The following TMIGD3 variants were observed in gnomAD, a reference collection of about 807,000 sequenced individuals.
TMIGD3 encodes the protein AD026 protein (AD026).
In TMIGD3, 21 loss-of-function variants were observed where a neutral mutation model predicts 28.1. The ratio of observed to expected loss-of-function variants is 0.75; its 90% confidence interval spans 0.53 to 1.08. The LOEUF (loss-of-function observed/expected upper bound fraction) is 1.08, where lower values mean the gene tolerates loss of function less well. Among genes scored for constraint, TMIGD3 ranks in the 50% least tolerant of loss-of-function variants. The pLI, the probability that TMIGD3 is intolerant of heterozygous loss-of-function variation, is 0.00. For missense variants in TMIGD3, 416 were observed against 435.6 expected (o/e 0.96, Z 0.40); for synonymous variants, 151 against 162.1 (o/e 0.93, Z 0.52).
In TMIGD3 at chr1:111,538,756, G is replaced by A. The variant is rs530862754; in HGVS notation, c.107+25090C>T. Among the ~76,000 whole-genome samples the A allele has an allele frequency of 5.3e-5, 8 of 152,326 alleles. No homozygotes were observed. The South Asian group carries it at 1.7e-3, about 32-fold the overall frequency. On this transcript the variant is annotated intron_variant, in intron 1 of 5. Coordinates refer to the TMIGD3 transcript ENST00000369717. The stretch of plus-strand genomic sequence containing the variant: ...TGGGGAATAAAAAAGGGTTCACGGG[G>A]CCTCTGGCATTGCTCCAGGAAAGGA...
chr1:111,534,460 G>T (rs530461981), intron 1 of TMIGD3, among the ~76,000 whole-genome samples: 8 of 152,326 alleles, frequency 5.3e-5, no homozygotes, highest in South Asian at 4.1e-4. Flanking sequence ...GGACTGGTTT[G>T]CTGCTGTGAT....
intron 1 of TMIGD3, among the ~76,000 whole-genome samples, chr1:111,554,058 C>T (rs1571462162): frequency 6.6e-6 from 1 of 152,220 alleles, no homozygotes; most frequent in African/African-American, 2.4e-5. Context: ...TGCACTAAAG[C>T]CAGAATTCCC....
At chr1:111,506,910 A>AT (rs1404147208), upstream of TMIGD3, among the ~76,000 whole-genome samples, 4 of 107,878 alleles carry the variant, frequency 3.7e-5, no homozygotes, top group South Asian at 3.1e-4. Flanking sequence ...ATATATATAT[A>AT]TATTATATAT....
At chr1:111,533,680 A>C (rs1048249673) in intron 1 of TMIGD3, among the ~76,000 whole-genome samples, 1 of 152,052 alleles carries the variant, frequency 6.6e-6, no homozygotes, top group Non-Finnish European at 1.5e-5. Context: ...CAGCCCCCCG[A>C]GTAGCTGGGA....
intron 5 of TMIGD3, 42 bp from the exon 6 acceptor site, chr1:111,483,799 T>C (rs1019523734): frequency 5.3e-6 from 8 of 1,512,326 alleles, no homozygotes; most frequent in Non-Finnish European, 6.4e-6. Flanking sequence ...TTGAGATCTA[T>C]TGCCTACCCC....
Position 111,493,503 on chromosome 1 carries a change from A to G in TMIGD3, c.351-2741T>C, listed in dbSNP as rs111480116. Among the ~76,000 whole-genome samples, 946 of 152,314 alleles carry G rather than the reference A, an allele frequency of 6.2e-3. 12 individuals are homozygous for G. Among genetic ancestry groups the G allele is most frequent in the African/African-American group, 0.019 (810 of 41,564 alleles). ...CAGAAGCCAAACAGGTCCCAGCACC[A>G]TGCTTCTTATACAGCCTGTAGAATT... On this transcript the variant is annotated intron_variant, in intron 1 of 5. Transcript: ENST00000369716.
At chr1:111,512,680 C>CCAACCAGTGCT (rs981016261) in intron 1 of TMIGD3, among the ~76,000 whole-genome samples, 1 of 152,158 alleles carries the variant, frequency 6.6e-6, no homozygotes, top group Non-Finnish European at 1.5e-5. Context: ...ACTCCAGTGC[C>CCAACCAGTGCT]CAACCAGTGC....
chr1:111,541,680 A>G lies in TMIGD3; in HGVS notation c.107+22166T>C, dbSNP rs866851299. On this transcript the variant is annotated intron_variant, in intron 1 of 5. Transcript: ENST00000369717. ...ACAAGGAAAATGAGAGAGAGAGAGA[A>G]AGAGAGAGAGAGAGAAAGAGAGAGA... Among the ~76,000 whole-genome samples, 8 of 142,876 alleles carry G rather than the reference A, an allele frequency of 5.6e-5. No individual in the cohort carries two copies. In the East Asian group the frequency reaches 1.5e-3, roughly 28 times the overall value. 93.7% of individuals were successfully genotyped at this position (142,876 alleles called of 152,430 possible).
chr1:111,484,886 G>A (rs1257369715), intron 5 of TMIGD3, among the ~76,000 whole-genome samples: 3 of 152,220 alleles, frequency 2.0e-5, no homozygotes. Flanking sequence ...ACTACTATTA[G>A]CCAAACAGTG....
upstream of TMIGD3, among the ~76,000 whole-genome samples, chr1:111,508,393 G>A (rs937319016): frequency 2.6e-5 from 4 of 152,236 alleles, no homozygotes; most frequent in African/African-American, 9.6e-5. Context: ...GTGGCCACCA[G>A]AGGGAAGCAC....
intron 1 of TMIGD3, among the ~76,000 whole-genome samples, chr1:111,529,470 C>A (rs1341859452): frequency 6.7e-6 from 1 of 149,690 alleles, no homozygotes; most frequent in Non-Finnish European, 1.5e-5. Flanking sequence ...AGCAGATAAA[C>A]AAGTGAACAA....
intron 1 of TMIGD3, among the ~76,000 whole-genome samples, chr1:111,534,567 G>A (rs553707325): frequency 7.9e-5 from 12 of 152,120 alleles, no homozygotes; most frequent in South Asian, 2.1e-4. Context: ...CTCCAAACAT[G>A]GTTTTCTAGC....
At chr1:111,491,282 G>A (rs1219008584) in intron 1 of TMIGD3, among the ~76,000 whole-genome samples, 1 of 152,250 alleles carries the variant, frequency 6.6e-6, no homozygotes, top group Non-Finnish European at 1.5e-5. Flanking sequence ...ACGTGAGCAG[G>A]TGGAAGTGTG....
In TMIGD3 at chr1:111,515,177, G is replaced by A. The variant is rs184935191; in HGVS notation, c.108-24415C>T. On this transcript the variant is annotated intron_variant, in intron 1 of 5. Coordinates refer to the TMIGD3 transcript ENST00000369717. ...AGCCCTTGGTCAGCTCTTCCACTGCGGAGGGAATCTCTAGAGTGAGACCTA... is the reference window on the plus strand; with the variant it reads ...AGCCCTTGGTCAGCTCTTCCACTGCAGAGGGAATCTCTAGAGTGAGACCTA... Among the ~76,000 whole-genome samples, 70 of 152,320 alleles carry A rather than the reference G, an allele frequency of 4.6e-4. 1 individual carries two copies. In the East Asian group the frequency reaches 8.9e-3, roughly 19 times the overall value.
At chr1:111,533,263 C>G (rs1656514415) in intron 1 of TMIGD3, among the ~76,000 whole-genome samples, 1 of 152,128 alleles carries the variant, frequency 6.6e-6, no homozygotes, top group Non-Finnish European at 1.5e-5. Flanking sequence ...GTTAAATATC[C>G]AAATTCCTCA....
chr1:111,503,431 T>C lies in TMIGD3; in HGVS notation c.-77A>G. On this transcript the variant is annotated 5_prime_UTR_variant, in exon 1 of 6. Coordinates refer to ENST00000369716, the MANE Select transcript of TMIGD3 (RefSeq NM_020683.7). ...TCTGTAGGGCCAGTGGGCCTAGCTCTCGCCAGACGTCTTCCCAGAGGTCCA... is the reference window on the plus strand; with the variant it reads ...TCTGTAGGGCCAGTGGGCCTAGCTCCCGCCAGACGTCTTCCCAGAGGTCCA... 1 of 1,503,218 alleles carries C rather than the reference T, an allele frequency of 6.7e-7. No individual in the cohort carries two copies. The highest frequency in any genetic ancestry group is 2.2e-5 in the Admixed American group (1 of 46,128). 93.1% of individuals were successfully genotyped at this position (1,503,218 alleles called of 1,614,324 possible).
At chr1:111,536,192 G>T (rs1180899590) in intron 1 of TMIGD3, among the ~76,000 whole-genome samples, 1 of 151,742 alleles carries the variant, frequency 6.6e-6, no homozygotes, top group Non-Finnish European at 1.5e-5. Context: ...CACATCGGAG[G>T]GAAGAAATAG....
chr1:111,531,588 G>T (rs1256139059), intron 1 of TMIGD3, among the ~76,000 whole-genome samples: 1 of 151,938 alleles, frequency 6.6e-6, no homozygotes, highest in Non-Finnish European at 1.5e-5. Flanking sequence ...TTTTTATTTT[G>T]CTCCTCACTG....
At chr1:111,560,728 G>T (rs1657704666) in intron 1 of TMIGD3, among the ~76,000 whole-genome samples, 1 of 152,164 alleles carries the variant, frequency 6.6e-6, no homozygotes, top group Admixed American at 6.5e-5. Context: ...CTAGCTTCAA[G>T]TAATGCTCCA....
Sources: allele counts gnomAD v4.1 joint callset (sites outside exome capture counted in the v4.1 genomes callset), GRCh38; gene constraint gnomAD v4.1.1; transcripts MANE v1.5; gene names NCBI Gene and HGNC (gene_info 2026-07-23, HGNC 2026-07-21).